The following FOXN3 variants were observed in gnomAD, a reference collection of about 807,000 sequenced individuals.
FOXN3 encodes the protein forkhead box N3.
A neutral mutation model predicts 38.4 loss-of-function variants in FOXN3; 7 were observed. The ratio of observed to expected loss-of-function variants is 0.18; its 90% confidence interval spans 0.10 to 0.34. The LOEUF (loss-of-function observed/expected upper bound fraction) is 0.34, where lower values mean the gene tolerates loss of function less well. Ranked by LOEUF, FOXN3 falls within the 10% of genes least tolerant of loss-of-function variation. The pLI is 1.00. For missense variants in FOXN3, 456 were observed against 613.4 expected (o/e 0.74, Z 2.71); for synonymous variants, 230 against 242.2 (o/e 0.95, Z 0.47).
intron 1 of FOXN3, among the ~76,000 whole-genome samples, chr14:89,531,782 A>G (rs1166233026): frequency 6.8e-6 from 1 of 146,774 alleles, no homozygotes; most frequent in Admixed American, 7.0e-5. Context: ...CTTAGCAAAG[A>G]CTTAAACGCC....
At position 89,195,481 on chromosome 14, in the gene FOXN3, A is replaced by C. The variant is rs1888074224; in HGVS notation, c.746-14675T>G. Among the ~76,000 whole-genome samples, 3 of 152,310 alleles carry C rather than the reference A, an allele frequency of 2.0e-5. No homozygotes were observed. In the South Asian group the frequency reaches 6.2e-4, roughly 32 times the overall value. On this transcript the variant is annotated intron_variant, in intron 4 of 5. Coordinates refer to ENST00000557258, the MANE Select transcript of FOXN3 (RefSeq NM_005197.4). ...ATTGTGGTAGGATGCTTCGGACCAA[A>C]GACATTGGAGATTTGTGGCTGGAAG...
intron 1 of FOXN3, among the ~76,000 whole-genome samples, chr14:89,442,559 T>C (rs1566657825): frequency 6.6e-6 from 1 of 152,158 alleles, no homozygotes; most frequent in Non-Finnish European, 1.5e-5. Context: ...TAGTAAGCCT[T>C]AGAAATCTTT....
intron 2 of FOXN3, among the ~76,000 whole-genome samples, chr14:89,397,232 G>A (rs1004117145): frequency 6.6e-6 from 1 of 152,020 alleles, no homozygotes; most frequent in Admixed American, 6.6e-5. Flanking sequence ...GGAGCTAAAT[G>A]ATGAGAACAC....
intron 1 of FOXN3, among the ~76,000 whole-genome samples, chr14:89,581,019 CAAA>C (rs57120573): frequency 6.9e-6 from 1 of 144,464 alleles, no homozygotes; most frequent in African/African-American, 2.6e-5. Flanking sequence ...CTCATCTCTA[CAAA>C]AAAAAAAAAA....
At chr14:89,453,608 T>C (rs1314906526) in intron 1 of FOXN3, among the ~76,000 whole-genome samples, 1 of 149,864 alleles carries the variant, frequency 6.7e-6, no homozygotes, top group Non-Finnish European at 1.5e-5. Context: ...ATTTCCTATG[T>C]ACCCCATAAA....
intron 1 of FOXN3, among the ~76,000 whole-genome samples, chr14:89,453,076 G>A (rs1892646569): frequency 1.3e-5 from 2 of 152,060 alleles, no homozygotes; most frequent in Admixed American, 1.3e-4. Flanking sequence ...GCACATACCT[G>A]TAATCCCAGA....
intron 1 of FOXN3, among the ~76,000 whole-genome samples, chr14:89,478,412 A>G (rs1487253): frequency 2.6e-5 from 4 of 152,232 alleles, no homozygotes; most frequent in African/African-American, 9.6e-5. Context: ...TGAATAAACA[A>G]TGAATGAATT....
rs2139796131 is a variant in FOXN3 at position 89,180,934 on chromosome 14, ACACACACACAC to A, written c.746-139_746-129del. 4 of 491,356 alleles carry A rather than the reference ACACACACACAC, an allele frequency of 8.1e-6. No individual in the cohort carries two copies. The East Asian group carries it at 1.3e-4, about 15-fold the overall frequency. The allele number at this position is 491,356 out of a possible 1,614,324, so 30.4% of individuals were successfully genotyped here. On this transcript the variant is annotated intron_variant, in intron 4 of 5. Coordinates refer to ENST00000557258, the MANE Select transcript of FOXN3 (RefSeq NM_005197.4). ...ACAGAGGGCAGAGACAGAGAGAAAC[ACACACACACAC>A]GTGCACATACACACACACACACACA... is the stretch of plus-strand genomic sequence containing the variant.
At chr14:89,446,137 C>A (rs1892491094) in intron 1 of FOXN3, among the ~76,000 whole-genome samples, 1 of 135,812 alleles carries the variant, frequency 7.4e-6, no homozygotes. Context: ...GGGTCTAGAA[C>A]CCAGGTCTGA....
At chr14:89,235,736 T>C (rs1370661076) in intron 4 of FOXN3, among the ~76,000 whole-genome samples, 1 of 151,010 alleles carries the variant, frequency 6.6e-6, no homozygotes, top group Non-Finnish European at 1.5e-5. Flanking sequence ...TGATTTCATG[T>C]GAGAAGAACC....
chr14:89,197,287 G>C (rs779750029), intron 4 of FOXN3, among the ~76,000 whole-genome samples: 9 of 152,118 alleles, frequency 5.9e-5, no homozygotes, highest in Non-Finnish European at 8.8e-5. Flanking sequence ...GTGGCAGATT[G>C]ATTGAGGTCA....
intron 3 of FOXN3, among the ~76,000 whole-genome samples, chr14:89,324,423 T>G (rs1887981470): frequency 6.7e-6 from 1 of 149,686 alleles, no homozygotes; most frequent in Non-Finnish European, 1.5e-5. Context: ...CTGATTTGGT[T>G]TGAAACAGCT....
At chr14:89,468,635 A>G (rs945018787) in intron 1 of FOXN3, among the ~76,000 whole-genome samples, 4 of 152,198 alleles carry the variant, frequency 2.6e-5, no homozygotes, top group Admixed American at 2.6e-4. Flanking sequence ...GAATGCAGAC[A>G]GCACTCAAAT....
chr14:89,453,473 C>G lies in FOXN3; in HGVS notation c.-14-40983G>C, dbSNP rs569419453. Among the ~76,000 whole-genome samples, 3 of 140,428 alleles carry G rather than the reference C, an allele frequency of 2.1e-5. No individual in the cohort carries two copies. In the East Asian group the frequency reaches 6.5e-4, roughly 31 times the overall value. The allele number at this position is 140,428 out of a possible 152,430, so 92.1% of individuals were successfully genotyped here. A position where few individuals can be genotyped will look rare whatever the true frequency, so the allele number is the denominator to read the frequency against. ...TACTCGGGAGGCTGAAGCAGGAGAA[C>G]GGTGTGAACCCGGCAGGCAAAGCTT... On this transcript the variant is annotated intron_variant, in intron 1 of 6. Transcript: ENST00000345097.
At chr14:89,445,149 A>T (rs986716236) in intron 1 of FOXN3, among the ~76,000 whole-genome samples, 1 of 149,464 alleles carries the variant, frequency 6.7e-6, no homozygotes, top group African/African-American at 2.5e-5. Context: ...ATAAAATAAA[A>T]TAAAAAAAAG....
chr14:89,600,070 A>C (rs553214041), intron 1 of FOXN3, among the ~76,000 whole-genome samples: 1 of 152,330 alleles, frequency 6.6e-6, no homozygotes, highest in East Asian at 1.9e-4. Context: ...ATGGCTCTCC[A>C]ATTTTTCCAA....
At chr14:89,435,773 T>C (rs76945950) in intron 1 of FOXN3, among the ~76,000 whole-genome samples, 323 of 152,272 alleles carry the variant, frequency 2.1e-3, no homozygotes, top group Non-Finnish European at 3.8e-3. Flanking sequence ...CCAGCTCCCT[T>C]TGAATCCAAA....
intron 1 of FOXN3, among the ~76,000 whole-genome samples, chr14:89,456,194 CAA>C (rs10550227): frequency 0.25 from 26,405 of 105,378 alleles, 2,528 homozygotes; most frequent in Middle Eastern, 0.39. Context: ...ACTCAGTCTC[CAA>C]AAAAAAAAAA....
chr14:89,413,063 C>T (rs747698351), intron 1 of FOXN3, among the ~76,000 whole-genome samples: 20 of 152,100 alleles, frequency 1.3e-4, no homozygotes, highest in Non-Finnish European at 2.1e-4. Flanking sequence ...CGACCCACCA[C>T]CATCCCCATT....
Sources: allele counts gnomAD v4.1 joint callset (sites outside exome capture counted in the v4.1 genomes callset), GRCh38; gene constraint gnomAD v4.1.1; transcripts MANE v1.5; gene names NCBI Gene and HGNC (gene_info 2026-07-23, HGNC 2026-07-21).